Variants in ZNF512B observed in about 807,000 individuals in gnomAD.
ZNF512B encodes the protein zinc finger protein 512B.
A neutral mutation model predicts 87.8 loss-of-function variants in ZNF512B; 22 were observed. That is an observed-to-expected ratio of 0.25 (90% confidence interval 0.18 to 0.36). The LOEUF is 0.36. Ranked by LOEUF, ZNF512B falls within the 10% of genes least tolerant of loss-of-function variation. ZNF512B has a pLI of 1.00. For missense variants in ZNF512B, 1,060 were observed against 1,231.6 expected (o/e 0.86, Z 2.09); for synonymous variants, 524 against 490.9 (o/e 1.07, Z -0.89).
chr20:63,961,335 A>G lies in ZNF512B; in HGVS notation c.2401T>C (p.Tyr801His), dbSNP rs1358226845. 1 of 1,612,596 alleles carries G rather than the reference A, an allele frequency of 6.2e-7. No individual in the cohort carries two copies. The highest frequency in any genetic ancestry group is 8.5e-7 in the Non-Finnish European group (1 of 1,179,950). Residue 801 changes from tyrosine to histidine, a missense_variant, in exon 16 of 17, where the codon TAC (tyrosine) becomes CAC (histidine). This residue lies in a region of ZNF512B where 253 missense variants were observed against 259.2 expected (regional missense o/e 0.98). Coordinates refer to ENST00000369888, the MANE Select transcript of ZNF512B (RefSeq NM_020713.3). The surrounding 1 kb of genome is among the most constrained non-coding windows in gnomAD (Gnocchi z 6.4). ...TCTGCGTGGGTCTTCAGGATGTGGT[A>G]TTTGACGCCACTCTCAGAACTGAAC... Reference protein sequence around the residue: ...KEFSSESGVKYHILKTHAENW... With the variant: ...KEFSSESGVKHHILKTHAENW...
chr20:63,960,910 G>A (rs1019486056), intron 16 of ZNF512B, among the ~76,000 whole-genome samples: 3 of 148,648 alleles, frequency 2.0e-5, no homozygotes, highest in African/African-American at 7.5e-5. Context: ...ACAGCCTTCA[G>A]GACCAGGCAA....
chr20:63,962,933 G>A lies in ZNF512B; in HGVS notation c.1969-152C>T, dbSNP rs2058871479. 4 of 1,273,640 alleles carry A rather than the reference G, an allele frequency of 3.1e-6. No homozygotes were observed. The Admixed American group carries it at 1.1e-4, about 35-fold the overall frequency. The allele number at this position is 1,273,640 out of a possible 1,614,324, so 78.9% of individuals were successfully genotyped here. Reference sequence around the variant, plus strand: ...GCAGGCAACCCGAGGGAACACGGAGGTTTCACCCTCCCGCCCACCAGGACA... The same window carrying A: ...GCAGGCAACCCGAGGGAACACGGAGATTTCACCCTCCCGCCCACCAGGACA... On this transcript the variant is annotated intron_variant, in intron 12 of 16. Transcript: ENST00000369888.
In ZNF512B at chr20:63,961,582, G is replaced by C. The variant is rs1217079018; in HGVS notation, c.2329-175C>G. On this transcript the variant is annotated intron_variant, in intron 15 of 16. Transcript: ENST00000369888. The surrounding 1 kb of genome is among the most constrained non-coding windows in gnomAD (Gnocchi z 6.4). The stretch of plus-strand genomic sequence containing the variant: ...CCAGGGCGGCAGGGGTGGTAGGGGA[G>C]AGGAAGGGTAGGGAGAGGCAGGTGC... Among the ~76,000 whole-genome samples, 1 of 152,206 alleles carries C rather than the reference G, an allele frequency of 6.6e-6. No individual in the cohort carries two copies. Among genetic ancestry groups the C allele is most frequent in the Non-Finnish European group, 1.5e-5 (1 of 68,034 alleles).
In ZNF512B at chr20:63,961,155, G is replaced by A. The variant is rs1329751598; in HGVS notation, c.2427+154C>T. Among the ~76,000 whole-genome samples, 3 of 152,166 alleles carry A rather than the reference G, an allele frequency of 2.0e-5. No individual in the cohort carries two copies. Among genetic ancestry groups the A allele is most frequent in the Non-Finnish European group, 4.4e-5 (3 of 68,014 alleles). On this transcript the variant is annotated intron_variant, in intron 16 of 16. Transcript: ENST00000369888. This position sits in a 1 kb window ranked among gnomAD's most constrained non-coding sequence, Gnocchi z 6.4. ...TCCCAGGGAAGCCAGACCCCACTTT[G>A]AGGAGAAACTACCAGATTTCTCCAC...
chr20:63,968,229 TC>T (rs369030276), intron 1 of ZNF512B, among the ~76,000 whole-genome samples: 15 of 152,284 alleles, frequency 9.9e-5, no homozygotes, highest in African/African-American at 3.6e-4. Flanking sequence ...CAGACCCCCT[TC>T]CCAACACGCA....
intron 7 of ZNF512B, 37 bp from the exon 8 acceptor site, chr20:63,964,254 G>T: frequency 6.2e-7 from 1 of 1,610,242 alleles, no homozygotes; most frequent in Non-Finnish European, 8.5e-7. Flanking sequence ...AACAGGGATG[G>T]GCTCAGGGGC....
chr20:63,963,267 T>C lies in ZNF512B; in HGVS notation c.1798-2A>G. ...GCTGGAGAAGGCAGCCCCGCAACCC[T>C]GGGGGTCAGGCCAGAGGGTGGGTGA... On this transcript the variant is annotated splice_acceptor_variant, in intron 11 of 16. Transcript: ENST00000369888. LOFTEE classifies it high-confidence loss of function. 6.5e-7 allele frequency: 1 copy of C among 1,544,032 alleles called. No homozygotes were observed. The highest frequency in any genetic ancestry group is 8.7e-7 in the Non-Finnish European group (1 of 1,148,508).
chr20:63,962,917 C>G (rs2058871365), intron 12 of ZNF512B, 136 bp from the exon 13 acceptor site: 1 of 1,265,222 alleles, frequency 7.9e-7, no homozygotes, highest in Non-Finnish European at 1.1e-6. Context: ...CGCAGGCAAC[C>G]CGAGGGAACA....
In ZNF512B at chr20:63,959,907, C is replaced by T. The variant is rs1265229139; in HGVS notation, c.2660G>A (p.Ser887Asn). 6.3e-7 allele frequency: 1 copy of T among 1,595,590 alleles called. No individual in the cohort carries two copies. The highest frequency in any genetic ancestry group is 8.5e-7 in the Non-Finnish European group (1 of 1,174,156). The change falls in exon 17 of 17, where the codon AGC (serine) becomes AAC (asparagine). Residue 887 changes from serine (S) to asparagine (N), a missense_variant. Around this residue, in one of 9 missense-constraint regions of ZNF512B, gnomAD observed 253 missense variants for 259.2 expected, o/e 0.98. Transcript: ENST00000369888. ...CCATGCTCACTTTTCAGGCGCCTTG[C>T]TGACTCCCACCTTCCGGCCGGTGGA... is the stretch of plus-strand genomic sequence containing the variant. ...RGSTGRKVGV[S>N]KAPEK
rs371730616 is a variant in ZNF512B at position 63,966,428 on chromosome 20, G to A, written c.747C>T (p.Thr249=). ...PVTVSRPMPV[T]KAMPVTKPIT... ...TGGGTTTGGTGACCGGCATGGCCTT[G>A]GTGACGGGCATGGGCCTGCTGACTG... The change falls in exon 5 of 17, where the codon ACC becomes ACT. Residue 249 remains threonine (T), a synonymous_variant. Transcript: ENST00000369888. 1 of 1,614,066 alleles carries A rather than the reference G, an allele frequency of 6.2e-7. No individual in the cohort carries two copies. Among genetic ancestry groups the A allele is most frequent in the South Asian group, 1.1e-5 (1 of 91,074 alleles).
Position 63,962,685 on chromosome 20 carries a change from C to G in ZNF512B, c.2065G>C (p.Val689Leu). ...SGRVRRTSAQVAVFHLQEIAE... is the reference protein window; with the variant it reads ...SGRVRRTSAQLAVFHLQEIAE... ...ATCTCCTGCAGGTGGAACACCGCCA[C>G]CTGGGCCGACGTGCGGCGGACACGC... is the stretch of plus-strand genomic sequence containing the variant. The change falls in exon 13 of 17, where the codon GTG (valine) becomes CTG (leucine). Residue 689 changes from valine to leucine, a missense_variant. Val to Leu is a conservative substitution (Grantham distance 32). This residue lies in a region of ZNF512B where 14 missense variants were observed against 38.7 expected (regional missense o/e 0.36). Transcript: ENST00000369888. 1 of 1,604,242 alleles carries G rather than the reference C, an allele frequency of 6.2e-7. No individual in the cohort carries two copies. The highest frequency in any genetic ancestry group is 1.1e-5 in the South Asian group (1 of 89,618).
In ZNF512B at chr20:63,959,706, G is replaced by A. The variant is rs1296651037; in HGVS notation, c.*182C>T. 1.1e-6 allele frequency: 1 copy of A among 933,274 alleles called. No individual in the cohort carries two copies. Among genetic ancestry groups the A allele is most frequent in the South Asian group, 1.9e-5 (1 of 53,316 alleles). The allele number at this position is 933,274 out of a possible 1,614,324, so 57.8% of individuals were successfully genotyped here. A position where few individuals can be genotyped will look rare whatever the true frequency, so the allele number is the denominator to read the frequency against. On this transcript the variant is annotated 3_prime_UTR_variant, in exon 17 of 17. Coordinates refer to ENST00000369888, the MANE Select transcript of ZNF512B (RefSeq NM_020713.3). ...GAGCCCCAACCCAGGTGTGCCCTGT[G>A]GCAGCCTTAACAGGGGAAGGGCCAC...
At chr20:63,968,925 G>A (rs1021958682) in intron 1 of ZNF512B, among the ~76,000 whole-genome samples, 2 of 152,262 alleles carry the variant, frequency 1.3e-5, no homozygotes, top group Non-Finnish European at 2.9e-5. Flanking sequence ...GCCACGGAAG[G>A]GGGTGGGACA....
rs1400776051 is a variant in ZNF512B at position 63,964,569 on chromosome 20, C to A, written c.1182G>T (p.Arg394Ser). The A allele has an allele frequency of 1.2e-6, 2 of 1,613,116 alleles. No homozygotes were observed. The highest frequency in any genetic ancestry group is 1.7e-6 in the Non-Finnish European group (2 of 1,179,954). Reference sequence around the variant, plus strand: ...TCAGTGCCTCCATGCCCCCTGACGGCCTGCTGCCTGGCGACAAGGAGCCAC... The same window carrying A: ...TCAGTGCCTCCATGCCCCCTGACGGACTGCTGCCTGGCGACAAGGAGCCAC... ...TSSGSLSPGSRPSGGMEALKA... is the reference protein window; with the variant it reads ...TSSGSLSPGSSPSGGMEALKA... The change falls in exon 6 of 17, where the codon AGG (arginine) becomes AGT (serine). Residue 394 changes from arginine (R) to serine (S), a missense_variant. By Grantham distance (110) the Arg-to-Ser change is moderately radical. Coordinates refer to ENST00000369888, the MANE Select transcript of ZNF512B (RefSeq NM_020713.3).
chr20:63,967,189 C>G (rs929816910), intron 3 of ZNF512B, among the ~76,000 whole-genome samples, 185 bp from the exon 4 acceptor site: 1 of 152,246 alleles, frequency 6.6e-6, no homozygotes, highest in Admixed American at 6.5e-5. Context: ...GTTCTAGGAG[C>G]CCACCAACGC....
chr20:63,969,176 C>G (rs2058955898), intron 1 of ZNF512B: 3 of 985,488 alleles, frequency 3.0e-6, no homozygotes, highest in Non-Finnish European at 3.6e-6. Context: ...CATCCCAGCA[C>G]CTGATGACCC....
At position 63,967,862 on chromosome 20, in the gene ZNF512B, C is replaced by T. The variant is rs776410076; in HGVS notation, c.89G>A (p.Arg30Gln). The change falls in exon 2 of 17, where the codon CGA becomes CAA. Residue 30 changes from arginine to glutamine, a missense_variant. Arg to Gln is a conservative substitution (Grantham distance 43). Around this residue, in one of 9 missense-constraint regions of ZNF512B, gnomAD observed 134 missense variants for 153.6 expected, o/e 0.87. Transcript: ENST00000369888. Reference protein sequence around the residue: ...PGKDGSRKEVRLPMLHDPPKM... With the variant: ...PGKDGSRKEVQLPMLHDPPKM... ...CGGTGGGTCATGCAGCATTGGAAGT[C>T]GGACCTCCTTTCGGCTGCCATCCTT... 19 of 1,613,318 alleles carry T rather than the reference C, an allele frequency of 1.2e-5. No homozygotes were observed. Among genetic ancestry groups the T allele is most frequent in the Non-Finnish European group, 1.4e-5 (17 of 1,179,886 alleles).
At chr20:63,967,767 T>A in intron 2 of ZNF512B, 63 bp downstream of exon 2, 1 of 1,579,544 alleles carries the variant, frequency 6.3e-7, no homozygotes, top group Non-Finnish European at 8.6e-7. Flanking sequence ...AGGGCAATGG[T>A]CCACTCCTAC....
intron 13 of ZNF512B, 101 bp from the exon 14 acceptor site, chr20:63,962,475 C>T (rs923759637): frequency 3.6e-5 from 55 of 1,546,016 alleles, no homozygotes; most frequent in Middle Eastern, 1.9e-4. Flanking sequence ...CCGCAGATGG[C>T]GGGGGCAGCG....
Sources: gnomAD v4.1 joint callset for allele counts (sites outside exome capture counted in the v4.1 genomes callset) on GRCh38, gnomAD v4.1.1 for gene constraint, gnomAD v4.1.1 regional missense constraint, Gnocchi (gnomAD v3.1) non-coding constraint, MANE v1.5 for transcripts, NCBI Gene and HGNC (gene_info 2026-07-23, HGNC 2026-07-21) for gene names.